The following ADGRL3 variants were observed in gnomAD, a reference collection of about 807,000 sequenced individuals.
ADGRL3 encodes calcium-independent alpha-latrotoxin receptor 3.
Under a neutral mutation model 153.5 loss-of-function variants are expected in ADGRL3, and 62 were observed. The ratio of observed to expected loss-of-function variants is 0.40; its 90% CI spans 0.33 to 0.50. The LOEUF (loss-of-function observed/expected upper bound fraction) is 0.50. Ranked by LOEUF, ADGRL3 falls within the 20% of genes least tolerant of loss-of-function variation. The pLI is 0.47. For missense variants in ADGRL3, 1,641 were observed against 1,859.4 expected (o/e 0.88, Z 2.16); for synonymous variants, 710 against 672.5 (o/e 1.06, Z -0.86).
chr4:61,686,523 T>A (rs926923826), intron 6 of ADGRL3, among the ~76,000 whole-genome samples: 8 of 152,138 alleles, frequency 5.3e-5, no homozygotes, highest in Non-Finnish European at 1.2e-4. Flanking sequence ...AATTGACACA[T>A]AATTGTGCAC....
chr4:61,570,543 A>T (rs1321524573), intron 4 of ADGRL3, among the ~76,000 whole-genome samples: 4 of 152,142 alleles, frequency 2.6e-5, no homozygotes, highest in Non-Finnish European at 5.9e-5. Flanking sequence ...ATTCTCAAAG[A>T]TATCAATGCC....
intron 9 of ADGRL3, among the ~76,000 whole-genome samples, chr4:61,852,440 G>A (rs575245755): frequency 6.6e-5 from 10 of 151,972 alleles, no homozygotes; most frequent in Middle Eastern, 3.4e-3. Flanking sequence ...TCAGCCTCCC[G>A]AGTAACTGGG....
intron 3 of ADGRL3, among the ~76,000 whole-genome samples, chr4:61,504,882 C>T (rs1257477862): frequency 6.6e-6 from 1 of 151,996 alleles, no homozygotes; most frequent in Non-Finnish European, 1.5e-5. Flanking sequence ...AGGTTGATTC[C>T]ATATCTTGGC....
At chr4:61,277,805 G>A (rs1345785400) in intron 1 of ADGRL3, among the ~76,000 whole-genome samples, 1 of 152,110 alleles carries the variant, frequency 6.6e-6, no homozygotes, top group East Asian at 1.9e-4. Context: ...TGTATTTTAA[G>A]CTCTATTGCT....
chr4:61,310,431 G>C (rs1037015705), intron 1 of ADGRL3, among the ~76,000 whole-genome samples: 2 of 152,008 alleles, frequency 1.3e-5, no homozygotes, highest in African/African-American at 4.8e-5. Context: ...ACTGTTTCCT[G>C]TCTGTGAAGA....
chr4:61,702,869 G>A (rs1296275750), intron 6 of ADGRL3, among the ~76,000 whole-genome samples: 3 of 152,034 alleles, frequency 2.0e-5, no homozygotes. Context: ...GAGTGTAGTT[G>A]AAGCTTCACT....
At chr4:61,488,172 A>G (rs2098218337) in intron 2 of ADGRL3, among the ~76,000 whole-genome samples, 1 of 152,014 alleles carries the variant, frequency 6.6e-6, no homozygotes. Flanking sequence ...ATTAATAGAC[A>G]TTTATTAGAT....
At chr4:61,328,863 C>T (rs2095516002) in intron 1 of ADGRL3, among the ~76,000 whole-genome samples, 1 of 152,060 alleles carries the variant, frequency 6.6e-6, no homozygotes, top group African/African-American at 2.4e-5. Flanking sequence ...CTCCATAATC[C>T]CTCAAGCTGA....
chr4:61,437,785 A>G (rs1481597439), intron 2 of ADGRL3, among the ~76,000 whole-genome samples: 1 of 152,078 alleles, frequency 6.6e-6, no homozygotes, highest in Non-Finnish European at 1.5e-5. Context: ...ACCTCAGACA[A>G]GCTTGCTCCA....
chr4:61,362,430 C>T (rs1184225367), intron 1 of ADGRL3, among the ~76,000 whole-genome samples: 1 of 151,880 alleles, frequency 6.6e-6, no homozygotes, highest in Non-Finnish European at 1.5e-5. Flanking sequence ...CAACCCAACA[C>T]CATGTAGTTG....
intron 5 of ADGRL3, among the ~76,000 whole-genome samples, chr4:61,646,568 T>C (rs1261440737): frequency 2.6e-5 from 4 of 150,952 alleles, no homozygotes; most frequent in Non-Finnish European, 4.4e-5. Context: ...TACTGAGGGG[T>C]GCCTCCCAGT....
At chr4:61,298,642 C>G (rs1400527934) in intron 1 of ADGRL3, among the ~76,000 whole-genome samples, 1 of 152,128 alleles carries the variant, frequency 6.6e-6, no homozygotes, top group Non-Finnish European at 1.5e-5. Flanking sequence ...TAATGACGAT[C>G]AGGACAACCA....
rs1378220120 is a variant in ADGRL3, at chr4:61,830,336, C to G, written c.1480+16447C>G. On this transcript the variant is annotated intron_variant, in intron 9 of 26. Transcript: ENST00000683033. ...CTAACTCCACAACTCTATACTCCAGCCTGGGCAACAGAGTGAGATGAGACC... is the reference window on the plus strand; with the variant it reads ...CTAACTCCACAACTCTATACTCCAGGCTGGGCAACAGAGTGAGATGAGACC... 2.6e-5 allele frequency among the ~76,000 whole-genome samples: 4 copies of G among 152,088 alleles called. No individual in the cohort carries two copies. In the East Asian group the frequency reaches 7.7e-4, roughly 29 times the overall value.
chr4:61,968,010 G>C (rs189988303), intron 17 of ADGRL3, among the ~76,000 whole-genome samples: 1 of 152,258 alleles, frequency 6.6e-6, no homozygotes, highest in Admixed American at 6.5e-5. Flanking sequence ...AGAGAAGGCC[G>C]AACTTGCCCA....
intron 1 of ADGRL3, among the ~76,000 whole-genome samples, chr4:61,327,551 T>C (rs775311633): frequency 6.6e-6 from 1 of 152,136 alleles, no homozygotes; most frequent in South Asian, 2.1e-4. Context: ...GATTAAAATT[T>C]AAAGTTTGTG....
intron 19 of ADGRL3, 89 bp from the exon 20 acceptor site, chr4:61,996,202 C>A: frequency 3.8e-6 from 3 of 779,410 alleles, no homozygotes; most frequent in South Asian, 3.2e-5. Context: ...TGCTTTGCAG[C>A]TCACATTCTT....
At chr4:61,755,069 C>T (rs1231620873) in intron 8 of ADGRL3, among the ~76,000 whole-genome samples, 1 of 152,140 alleles carries the variant, frequency 6.6e-6, no homozygotes, top group Non-Finnish European at 1.5e-5. Flanking sequence ...AATAGTGCTG[C>T]AATAAACATA....
chr4:61,307,398 T>A (rs2094830247), intron 1 of ADGRL3, among the ~76,000 whole-genome samples: 1 of 152,144 alleles, frequency 6.6e-6, no homozygotes, highest in Non-Finnish European at 1.5e-5. Context: ...AAAATAAATG[T>A]CAGTGTTAGT....
At chr4:61,748,366 G>T (rs1236152924) in intron 8 of ADGRL3, among the ~76,000 whole-genome samples, 1 of 151,744 alleles carries the variant, frequency 6.6e-6, no homozygotes, top group African/African-American at 2.4e-5. Context: ...CTACTTTAAA[G>T]TTCATATGGA....
Sources: gnomAD v4.1 joint callset for allele counts (sites outside exome capture counted in the v4.1 genomes callset) on GRCh38, gnomAD v4.1.1 for gene constraint, MANE v1.5 for transcripts, NCBI Gene and HGNC (gene_info 2026-07-23, HGNC 2026-07-21) for gene names.